Variants in AK8 observed in about 807,000 individuals in gnomAD.
The protein encoded by AK8 is adenylate kinase 8, also known as ATP-AMP transphosphorylase 8.
AK8 carries 44 observed loss-of-function variants against 54.6 expected under a neutral mutation model. That is an observed-to-expected ratio of 0.81 (90% confidence interval 0.63 to 1.04). The LOEUF is 1.04. AK8 is among the 50% of genes least tolerant of loss of function. The probability of loss-of-function intolerance (pLI) is 0.00; values close to 1 mark genes in which losing one functional copy is unlikely to be tolerated. For synonymous variants in AK8, 239 were observed against 245.6 expected (o/e 0.97, Z 0.25); for missense variants, 555 against 613.6 (o/e 0.90, Z 1.01).
At chr9:132,768,583 T>C (rs1220399968) in intron 11 of AK8, among the ~76,000 whole-genome samples, 1 of 152,230 alleles carries the variant, frequency 6.6e-6, no homozygotes, top group Non-Finnish European at 1.5e-5. Flanking sequence ...TAATTGTTTA[T>C]GCCTTTTGGA....
At chr9:132,738,332 C>T (rs1462383980) in intron 11 of AK8, among the ~76,000 whole-genome samples, 3 of 152,242 alleles carry the variant, frequency 2.0e-5, no homozygotes, top group East Asian at 1.9e-4. Context: ...GGATTACAGA[C>T]GTGAGCCACC....
At position 132,849,054 on chromosome 9, in the gene AK8, G is replaced by A. The variant is rs1467891895; in HGVS notation, c.402+5803C>T. 1.8e-4 allele frequency among the ~76,000 whole-genome samples: 28 copies of A among 151,878 alleles called. 1 individual carries two copies. The highest frequency in any genetic ancestry group is 1.8e-3 in the East Asian group (9 of 5,142). ...CTCCTGAGTAGCTGGGACTACAGGC[G>A]CGTGCCACCACGCCCGGCTAATTTT... On this transcript the variant is annotated intron_variant, in intron 5 of 12. Coordinates refer to ENST00000298545, the MANE Select transcript of AK8 (RefSeq NM_152572.3).
intron 10 of AK8, among the ~76,000 whole-genome samples, chr9:132,804,157 C>T (rs1432270591): frequency 6.6e-6 from 1 of 151,734 alleles, no homozygotes; most frequent in Non-Finnish European, 1.5e-5. Context: ...CTGGGGCTGC[C>T]CATGGAGAGG....
chr9:132,826,758 C>A lies in AK8; in HGVS notation c.757+96G>T. On this transcript the variant is annotated intron_variant, in intron 8 of 12. Coordinates refer to ENST00000298545, the MANE Select transcript of AK8 (RefSeq NM_152572.3). This position sits in a 1 kb window ranked among gnomAD's most constrained non-coding sequence, Gnocchi z 4.5. ...CAGGGTCCCAGGCATGTCCCAGACA[C>A]TGGCCACTACCAGAATAAGGGACAA... The A allele has an allele frequency of 7.2e-7, 1 of 1,389,602 alleles. No homozygotes were observed. The highest frequency in any genetic ancestry group is 1.4e-5 in the African/African-American group (1 of 70,294). 86.1% of individuals were successfully genotyped at this position (1,389,602 alleles called of 1,614,324 possible). A position where few individuals can be genotyped will look rare whatever the true frequency, so the allele number is the denominator to read the frequency against.
At chr9:132,873,474 C>T (rs757826503) in intron 2 of AK8, among the ~76,000 whole-genome samples, 2 of 152,210 alleles carry the variant, frequency 1.3e-5, no homozygotes, top group Non-Finnish European at 1.5e-5. Context: ...TGCTGCACTG[C>T]ACTTTCCACT....
intron 11 of AK8, among the ~76,000 whole-genome samples, chr9:132,773,647 C>T (rs1021567484): frequency 6.6e-6 from 1 of 152,172 alleles, no homozygotes; most frequent in African/African-American, 2.4e-5. Context: ...AACCATAGTT[C>T]AGAGTGACAA....
chr9:132,840,764 A>G (rs919367263), intron 5 of AK8, among the ~76,000 whole-genome samples: 5 of 152,110 alleles, frequency 3.3e-5, no homozygotes, highest in Admixed American at 3.3e-4. Flanking sequence ...GTGGTGGCAC[A>G]CGCCTGCAAT....
chr9:132,832,341 G>C (rs977682560), intron 5 of AK8, among the ~76,000 whole-genome samples: 13 of 151,980 alleles, frequency 8.6e-5, no homozygotes, highest in African/African-American at 2.7e-4. Context: ...CCTTGTTATA[G>C]CCAGCCAAGC....
chr9:132,738,057 CTT>C lies in AK8; in HGVS notation c.1122-10525_1122-10524del, dbSNP rs34835031. On this transcript the variant is annotated intron_variant, in intron 11 of 12. Transcript: ENST00000298545. ...CACAAGATTTCCCATTGCTGAATTACTTTTTTTTTTTTTTGAGACAGAGTCTC... is the reference window on the plus strand; with the variant it reads ...CACAAGATTTCCCATTGCTGAATTACTTTTTTTTTTTTGAGACAGAGTCTC... Among the ~76,000 whole-genome samples the C allele has an allele frequency of 2.2e-3, 321 of 144,188 alleles. 2 individuals carry two copies. The highest frequency in any genetic ancestry group is 2.9e-3 in the African/African-American group (113 of 39,174). 94.6% of individuals were successfully genotyped at this position (144,188 alleles called of 152,430 possible).
intron 11 of AK8, among the ~76,000 whole-genome samples, chr9:132,762,148 G>T (rs1178545387): frequency 3.9e-5 from 6 of 152,122 alleles, no homozygotes; most frequent in Non-Finnish European, 7.4e-5. Flanking sequence ...AGGATTACAG[G>T]AATGAGCCAC....
chr9:132,757,362 C>T (rs903754446), intron 11 of AK8, among the ~76,000 whole-genome samples: 4 of 152,196 alleles, frequency 2.6e-5, no homozygotes, highest in Admixed American at 1.3e-4. Flanking sequence ...CGCCATCTCA[C>T]GGCAGGTGAA....
At chr9:132,823,702 T>TGGCTCTCTATAG (rs980384215) in intron 8 of AK8, among the ~76,000 whole-genome samples, 4 of 152,234 alleles carry the variant, frequency 2.6e-5, no homozygotes, top group Non-Finnish European at 5.9e-5. Context: ...ATAGGGCTGG[T>TGGCTCTCTATAG]GGCTTTTCCT....
In AK8 at chr9:132,854,855, A is replaced by C; in HGVS notation, c.402+2T>G. On this transcript the variant is annotated splice_donor_variant, in intron 5 of 12. Coordinates refer to ENST00000298545, the MANE Select transcript of AK8 (RefSeq NM_152572.3). LOFTEE classifies it high-confidence loss of function. ...GAAACCCCTAGCTCACTGGAGTCTT[A>C]CCTGCTTGATGCAATCCTCTTCAGC... is the stretch of plus-strand genomic sequence containing the variant. The C allele has an allele frequency of 1.2e-6, 2 of 1,613,974 alleles. No homozygotes were observed. The highest frequency in any genetic ancestry group is 1.7e-6 in the Non-Finnish European group (2 of 1,180,000).
In AK8 at chr9:132,878,168, T is replaced by C; in HGVS notation, c.84+4A>G. 6.7e-7 allele frequency: 1 copy of C among 1,503,734 alleles called. No homozygotes were observed. Among genetic ancestry groups the C allele is most frequent in the Middle Eastern group, 1.8e-4 (1 of 5,568 alleles). The allele number at this position is 1,503,734 out of a possible 1,614,324, so 93.1% of individuals were successfully genotyped here. On this transcript the variant is annotated splice_donor_region_variant and intron_variant, in intron 1 of 12. Transcript: ENST00000298545. This position sits in a 1 kb window ranked among gnomAD's most constrained non-coding sequence, Gnocchi z 4.7. The stretch of plus-strand genomic sequence containing the variant: ...CGTCGCGACGGGCAGGGGTGTCCGG[T>C]CACCTGCATCAACTCGAAGATGTGG...
intron 5 of AK8, among the ~76,000 whole-genome samples, chr9:132,848,875 A>T (rs1287960056): frequency 6.7e-6 from 1 of 149,790 alleles, no homozygotes; most frequent in Non-Finnish European, 1.5e-5. Flanking sequence ...GTCTATGGGG[A>T]AGCTGGCCTT....
chr9:132,878,855 C>G, upstream of AK8: 2 of 836,910 alleles, frequency 2.4e-6, no homozygotes, highest in Non-Finnish European at 2.9e-6. This position sits in a 1 kb window ranked among gnomAD's most constrained non-coding sequence, Gnocchi z 4.7. Context: ...GTAACAATCA[C>G]GCCCGCGGCC....
rs1000607256 is a variant in AK8, at chr9:132,834,110, A to G, written c.403-5384T>C. On this transcript the variant is annotated intron_variant, in intron 5 of 12. Transcript: ENST00000298545. ...TGAGGCTGAAGACTTGGACTCGATA[A>G]ATCAGTTTCGCTCAGTTCCAAGTCT... Among the ~76,000 whole-genome samples, 5 of 152,328 alleles carry G rather than the reference A, an allele frequency of 3.3e-5. 1 individual carries two copies. Among genetic ancestry groups the G allele is most frequent in the East Asian group, 1.9e-4 (1 of 5,174 alleles).
chr9:132,735,609 T>C (rs902861828), intron 11 of AK8, among the ~76,000 whole-genome samples: 5 of 152,114 alleles, frequency 3.3e-5, no homozygotes, highest in African/African-American at 9.7e-5. Context: ...ATTGGAGCTC[T>C]TGCACATTGC....
intron 11 of AK8, among the ~76,000 whole-genome samples, chr9:132,730,447 T>TG (rs1327179389): frequency 2.6e-5 from 4 of 151,218 alleles, no homozygotes; most frequent in African/African-American, 9.7e-5. Context: ...TTTTTTTTTT[T>TG]TTTTTCCATC....
Sources: gnomAD v4.1 joint callset for allele counts (sites outside exome capture counted in the v4.1 genomes callset) on GRCh38, gnomAD v4.1.1 for gene constraint, Gnocchi (gnomAD v3.1) non-coding constraint, MANE v1.5 for transcripts, NCBI Gene and HGNC (gene_info 2026-07-23, HGNC 2026-07-21) for gene names.